FBXL7: variants seen among roughly 807,000 people sequenced by gnomAD.
FBXL7 encodes F-box and leucine rich repeat protein 7, also known as F-box/LRR-repeat protein 7.
FBXL7 carries 12 observed loss-of-function variants against 38.3 expected under a neutral mutation model. The observed-to-expected ratio is 0.31, with a 90% CI of 0.20 to 0.51. FBXL7 has a LOEUF of 0.51. Ranked by LOEUF, FBXL7 falls within the 20% of genes least tolerant of loss-of-function variation. FBXL7 has a pLI of 0.98. For missense variants in FBXL7, 567 were observed against 676.4 expected (o/e 0.84, Z 1.79); for synonymous variants, 297 against 300.9 (o/e 0.99, Z 0.13).
intron 2 of FBXL7, among the ~76,000 whole-genome samples, chr5:15,699,840 TA>T (rs1743466806): frequency 6.6e-6 from 1 of 152,236 alleles, no homozygotes; most frequent in Non-Finnish European, 1.5e-5. Context: ...ATCACAGCCC[TA>T]ATTGATGTTC....
At position 15,872,759 on chromosome 5, in the gene FBXL7, C is replaced by G. The variant is rs536128615; in HGVS notation, c.128-55131C>G. 7.2e-5 allele frequency among the ~76,000 whole-genome samples: 11 copies of G among 152,306 alleles called. No individual in the cohort carries two copies. The East Asian group carries it at 2.1e-3, about 29-fold the overall frequency. The stretch of plus-strand genomic sequence containing the variant: ...ATCCTAAATATATTTGCACCCAATA[C>G]AGGAGCACCCAGATTCATAAAGCAA... On this transcript the variant is annotated intron_variant, in intron 2 of 3. Transcript: ENST00000504595.
At chr5:15,919,854 G>C (rs1741693253) in intron 2 of FBXL7, among the ~76,000 whole-genome samples, 1 of 152,118 alleles carries the variant, frequency 6.6e-6, no homozygotes, top group Non-Finnish European at 1.5e-5. Flanking sequence ...TCTCACCATA[G>C]AGCCATTTTT....
intron 2 of FBXL7, among the ~76,000 whole-genome samples, chr5:15,656,029 T>A (rs1239496008): frequency 6.6e-6 from 1 of 152,254 alleles, no homozygotes; most frequent in African/African-American, 2.4e-5. Context: ...GTAATCCATG[T>A]TTGTTTAAAA....
intron 2 of FBXL7, among the ~76,000 whole-genome samples, chr5:15,801,656 T>TGTGTGTGTGC (rs869247688): frequency 2.7e-5 from 4 of 146,912 alleles, no homozygotes; most frequent in African/African-American, 9.8e-5. Flanking sequence ...TGTGTGTGTG[T>TGTGTGTGTGC]GCGCGCGCGC....
intron 2 of FBXL7, among the ~76,000 whole-genome samples, chr5:15,737,669 G>A (rs959951793): frequency 1.3e-5 from 2 of 152,148 alleles, no homozygotes; most frequent in South Asian, 2.1e-4. Context: ...CATGGTAATC[G>A]TGGAGATGTG....
At chr5:15,783,675 G>A (rs918930140) in intron 2 of FBXL7, among the ~76,000 whole-genome samples, 4 of 152,208 alleles carry the variant, frequency 2.6e-5, no homozygotes, top group African/African-American at 9.6e-5. Context: ...CCTGGAGAGG[G>A]CTGTAGAGGA....
intron 2 of FBXL7, among the ~76,000 whole-genome samples, chr5:15,886,634 A>G (rs1740689498): frequency 6.6e-6 from 1 of 152,064 alleles, no homozygotes; most frequent in Non-Finnish European, 1.5e-5. Context: ...TGGTTTATGG[A>G]TGGTTATCCT....
chr5:15,648,850 TG>T (rs1315462589), intron 2 of FBXL7, among the ~76,000 whole-genome samples: 2 of 151,754 alleles, frequency 1.3e-5, no homozygotes, highest in Non-Finnish European at 2.9e-5. Context: ...ACTGTTTTAT[TG>T]TCTCAGACTG....
intron 2 of FBXL7, among the ~76,000 whole-genome samples, chr5:15,646,697 G>A (rs1181005844): frequency 6.6e-6 from 1 of 152,156 alleles, no homozygotes; most frequent in Non-Finnish European, 1.5e-5. Flanking sequence ...CGATGTTAAT[G>A]TTAACGGTGT....
chr5:15,775,803 C>T (rs1736843260), intron 2 of FBXL7, among the ~76,000 whole-genome samples: 1 of 152,124 alleles, frequency 6.6e-6, no homozygotes, highest in Non-Finnish European at 1.5e-5. Context: ...TTAATCAAGG[C>T]AACGTCATTG....
At chr5:15,754,919 C>T (rs2126690488) in intron 2 of FBXL7, among the ~76,000 whole-genome samples, 2 of 152,256 alleles carry the variant, frequency 1.3e-5, no homozygotes, top group South Asian at 4.1e-4. Context: ...CTACAATGAC[C>T]AAAGTACCTG....
At chr5:15,592,587 C>T (rs189277586) in intron 1 of FBXL7, among the ~76,000 whole-genome samples, 23 of 152,282 alleles carry the variant, frequency 1.5e-4, no homozygotes, top group Admixed American at 1.4e-3. Context: ...GTGAGTACTG[C>T]TGACAGCCTC....
chr5:15,617,983 T>C (rs894233746), intron 2 of FBXL7, among the ~76,000 whole-genome samples: 1 of 152,156 alleles, frequency 6.6e-6, no homozygotes, highest in African/African-American at 2.4e-5. Context: ...TTTTCAAAAA[T>C]AGAAAATACA....
At chr5:15,888,181 C>G (rs546086653) in intron 2 of FBXL7, among the ~76,000 whole-genome samples, 36 of 151,618 alleles carry the variant, frequency 2.4e-4, no homozygotes, top group African/African-American at 8.2e-4. Flanking sequence ...TGTTATGATC[C>G]CTTTGTAAAC....
At chr5:15,752,100 A>G (rs1026315693) in intron 2 of FBXL7, among the ~76,000 whole-genome samples, 1 of 152,312 alleles carries the variant, frequency 6.6e-6, no homozygotes, top group South Asian at 2.1e-4. Context: ...GAATTTACAC[A>G]TTGCTTCACA....
chr5:15,921,380 C>CAAAAAAAA (rs56077834), intron 2 of FBXL7, among the ~76,000 whole-genome samples: 1 of 124,678 alleles, frequency 8.0e-6, no homozygotes, highest in African/African-American at 2.9e-5. Flanking sequence ...GACTCCATCT[C>CAAAAAAAA]AAAAAAAAAA....
rs112932031 is a variant in FBXL7 at position 15,608,812 on chromosome 5, A to G, written c.38-7171A>G. Among the ~76,000 whole-genome samples, 866 of 152,278 alleles carry G rather than the reference A, an allele frequency of 5.7e-3. 8 individuals are homozygous for G. The highest frequency in any genetic ancestry group is 0.02 in the African/African-American group (816 of 41,542). On this transcript the variant is annotated intron_variant, in intron 1 of 3. Transcript: ENST00000504595. ...GTGAACAATTCAAGTTTAAAAAATC[A>G]TATATATTCACACATGCATACACAT...
intron 2 of FBXL7, among the ~76,000 whole-genome samples, chr5:15,917,893 A>T (rs1741637527): frequency 6.6e-6 from 1 of 152,150 alleles, no homozygotes; most frequent in Admixed American, 6.5e-5. Context: ...TCTAATAGCA[A>T]TGCTACTCTA....
intron 1 of FBXL7, among the ~76,000 whole-genome samples, chr5:15,540,778 C>T (rs566129556): frequency 2.0e-5 from 3 of 152,012 alleles, no homozygotes; most frequent in Non-Finnish European, 4.4e-5. Context: ...TGTATCTGCA[C>T]GTGGTGGAAA....
Sources: gnomAD v4.1 joint callset for allele counts (sites outside exome capture counted in the v4.1 genomes callset) on GRCh38, gnomAD v4.1.1 for gene constraint, MANE v1.5 for transcripts, NCBI Gene and HGNC (gene_info 2026-07-23, HGNC 2026-07-21) for gene names.